The following TESK2 variants were observed in gnomAD, a reference collection of about 807,000 sequenced individuals.
TESK2 encodes the protein testis associated actin remodelling kinase 2.
Under a neutral mutation model 57.1 loss-of-function variants are expected in TESK2, and 39 were observed. That is an observed-to-expected ratio of 0.68 (90% confidence interval 0.53 to 0.89). The LOEUF is 0.89. Among genes scored for constraint, TESK2 ranks in the 40% least tolerant of loss-of-function variants. The probability of loss-of-function intolerance (pLI) is 0.00; values close to 1 mark genes in which losing one functional copy is unlikely to be tolerated. For synonymous variants in TESK2, 249 were observed against 267.9 expected (o/e 0.93, Z 0.69); for missense variants, 646 against 732.1 (o/e 0.88, Z 1.36).
At position 45,428,075 on chromosome 1, in the gene TESK2, C is replaced by T. The variant is rs1326567098; in HGVS notation, c.223-6229G>A. 8.5e-5 allele frequency among the ~76,000 whole-genome samples: 13 copies of T among 152,176 alleles called. No homozygotes were observed. In the East Asian group the frequency reaches 2.5e-3, roughly 29 times the overall value. ...AAAAGTTTAAAAAAGATGCCCCAAC[C>T]ATCATACACAGTTATAAAACAGCAA... is the stretch of plus-strand genomic sequence containing the variant. On this transcript the variant is annotated intron_variant, in intron 2 of 10. Transcript: ENST00000372086.
chr1:45,386,135 A>G (rs1184928737), intron 3 of TESK2, among the ~76,000 whole-genome samples, 175 bp from the exon 4 acceptor site: 1 of 152,100 alleles, frequency 6.6e-6, no homozygotes, highest in Non-Finnish European at 1.5e-5. Context: ...ACCTGAGGTC[A>G]GGAGTTCAAG....
At chr1:45,353,221 T>C (rs1051845280) in intron 5 of TESK2, among the ~76,000 whole-genome samples, 1 of 152,170 alleles carries the variant, frequency 6.6e-6, no homozygotes, top group African/African-American at 2.4e-5. Context: ...GTCTTGGTTT[T>C]CCAAAACATT....
chr1:45,405,896 T>C (rs904745367), intron 3 of TESK2, among the ~76,000 whole-genome samples: 1 of 151,070 alleles, frequency 6.6e-6, no homozygotes, highest in Non-Finnish European at 1.5e-5. Flanking sequence ...CTATTTTTTC[T>C]TGGAGAAATA....
intron 3 of TESK2, among the ~76,000 whole-genome samples, chr1:45,419,527 C>T (rs1340571251): frequency 1.3e-5 from 2 of 151,958 alleles, no homozygotes; most frequent in Admixed American, 6.6e-5. Flanking sequence ...TTAATCTGGC[C>T]AGGTGCGGTG....
intron 4 of TESK2, among the ~76,000 whole-genome samples, chr1:45,370,271 T>C (rs1233453905): frequency 6.6e-6 from 1 of 152,256 alleles, no homozygotes; most frequent in East Asian, 1.9e-4. Flanking sequence ...AAATAATTTG[T>C]AGAACTTTAT....
chr1:45,431,031 C>T (rs1650926796), intron 2 of TESK2, among the ~76,000 whole-genome samples: 3 of 152,196 alleles, frequency 2.0e-5, no homozygotes. Flanking sequence ...ATTATTTACT[C>T]AACACCAATT....
chr1:45,386,258 T>C (rs1648889201), intron 3 of TESK2, among the ~76,000 whole-genome samples: 1 of 142,644 alleles, frequency 7.0e-6, no homozygotes, highest in Non-Finnish European at 1.5e-5. Flanking sequence ...GGCAGGAGAA[T>C]CCCTTGAACC....
chr1:45,428,816 A>ATTTTTTTTTTTTTTT (rs71052876), intron 2 of TESK2, among the ~76,000 whole-genome samples: 1 of 82,592 alleles, frequency 1.2e-5, no homozygotes, highest in Non-Finnish European at 2.1e-5. Flanking sequence ...TAAATTCCTG[A>ATTTTTTTTTTTTTTT]TTTTTTTTTT....
At chr1:45,400,457 C>G (rs569205442) in intron 3 of TESK2, among the ~76,000 whole-genome samples, 1 of 152,082 alleles carries the variant, frequency 6.6e-6, no homozygotes, top group African/African-American at 2.4e-5. Flanking sequence ...TGTGGTAATT[C>G]GTTATGATAG....
At chr1:45,466,117 G>T (rs1214169013) in intron 1 of TESK2, among the ~76,000 whole-genome samples, 1 of 152,038 alleles carries the variant, frequency 6.6e-6, no homozygotes, top group Non-Finnish European at 1.5e-5. Flanking sequence ...CCGAGGAGGT[G>T]GATAGCTTGA....
chr1:45,397,478 G>A (rs1221756378), intron 3 of TESK2, among the ~76,000 whole-genome samples: 3 of 152,172 alleles, frequency 2.0e-5, no homozygotes, highest in South Asian at 2.1e-4. Flanking sequence ...TACAGATCCC[G>A]ATTAAAGTCC....
At chr1:45,372,118 C>G (rs559294881) in intron 4 of TESK2, among the ~76,000 whole-genome samples, 1 of 152,106 alleles carries the variant, frequency 6.6e-6, no homozygotes, top group South Asian at 2.1e-4. Context: ...TGTGGTGGCA[C>G]ACGCCTGTAG....
intron 4 of TESK2, among the ~76,000 whole-genome samples, chr1:45,377,191 T>C (rs1228604740): frequency 2.0e-5 from 3 of 151,598 alleles, no homozygotes; most frequent in Non-Finnish European, 4.4e-5. Context: ...CTGTATTCCA[T>C]CTTAGGTGAC....
intron 4 of TESK2, among the ~76,000 whole-genome samples, chr1:45,383,230 A>G (rs112675687): frequency 4.6e-5 from 7 of 152,256 alleles, no homozygotes; most frequent in African/African-American, 1.4e-4. Flanking sequence ...TTAATAATTT[A>G]TTTTTTATTA....
At chr1:45,400,112 TAA>T (rs1326915052) in intron 3 of TESK2, among the ~76,000 whole-genome samples, 1 of 152,184 alleles carries the variant, frequency 6.6e-6, no homozygotes, top group Admixed American at 6.6e-5. Context: ...CAGAAGACTT[TAA>T]AAGAGAGATT....
intron 2 of TESK2, among the ~76,000 whole-genome samples, chr1:45,423,930 C>T (rs1650584082): frequency 6.6e-6 from 1 of 152,126 alleles, no homozygotes; most frequent in African/African-American, 2.4e-5. Context: ...CCAGACAAAA[C>T]ATTTTGTGTG....
intron 2 of TESK2, among the ~76,000 whole-genome samples, chr1:45,453,017 G>A (rs908483841): frequency 1.3e-5 from 2 of 151,612 alleles, no homozygotes; most frequent in African/African-American, 2.4e-5. Context: ...CTGCACTGCC[G>A]CCTGGATGAC....
At chr1:45,473,852 A>G (rs1322113259) in intron 1 of TESK2, among the ~76,000 whole-genome samples, 1 of 150,146 alleles carries the variant, frequency 6.7e-6, no homozygotes, top group Non-Finnish European at 1.5e-5. Context: ...GGTGTAGTGC[A>G]GTGGCTCAAC....
chr1:45,368,386 T>G (rs1648033941), intron 4 of TESK2, among the ~76,000 whole-genome samples: 1 of 152,114 alleles, frequency 6.6e-6, no homozygotes, highest in Non-Finnish European at 1.5e-5. Flanking sequence ...TCTTTTGTTT[T>G]GTTTTTCAGA....
Sources: allele counts gnomAD v4.1 joint callset (sites outside exome capture counted in the v4.1 genomes callset), GRCh38; gene constraint gnomAD v4.1.1; transcripts MANE v1.5; gene names NCBI Gene and HGNC (gene_info 2026-07-23, HGNC 2026-07-21).